Variants in TTLL11 observed in about 807,000 individuals in gnomAD.
TTLL11 encodes tubulin tyrosine ligase like 11.
Under a neutral mutation model 51.7 loss-of-function variants are expected in TTLL11, and 42 were observed. The observed-to-expected ratio is 0.81, with a 90% CI of 0.64 to 1.05. The LOEUF is 1.05. TTLL11 is among the 50% of genes least tolerant of loss of function. The probability of loss-of-function intolerance (pLI) is 0.00; values close to 1 mark genes in which losing one functional copy is unlikely to be tolerated. For missense variants in TTLL11, 799 were observed against 940.4 expected (o/e 0.85, Z 1.97); for synonymous variants, 381 against 383.5 (o/e 0.99, Z 0.08).
intron 3 of TTLL11, among the ~76,000 whole-genome samples, chr9:122,009,677 T>C (rs1411645960): frequency 6.6e-6 from 1 of 150,498 alleles, no homozygotes; most frequent in African/African-American, 2.4e-5. Flanking sequence ...GAATGTTGTA[T>C]ATATATATAT....
At chr9:121,935,598 T>C (rs13295532) in intron 6 of TTLL11, among the ~76,000 whole-genome samples, 39,828 of 152,102 alleles carry the variant, frequency 0.26, 5,773 homozygotes, top group African/African-American at 0.39. Context: ...AAAGATCACT[T>C]TGGCTGCTGT....
chr9:121,885,956 T>A (rs1434412201), intron 6 of TTLL11, among the ~76,000 whole-genome samples: 1 of 152,210 alleles, frequency 6.6e-6, no homozygotes, highest in Non-Finnish European at 1.5e-5. Context: ...CTCTAACTCC[T>A]GGGCTCAAGG....
chr9:122,020,827 C>T (rs10985485), intron 3 of TTLL11, among the ~76,000 whole-genome samples: 6,712 of 152,300 alleles, frequency 0.044, 175 homozygotes, highest in African/African-American at 0.074. Context: ...GGAAGAGGGC[C>T]CTCACCAGAA....
chr9:121,869,181 C>G (rs1296415620), intron 7 of TTLL11, among the ~76,000 whole-genome samples: 1 of 152,302 alleles, frequency 6.6e-6, no homozygotes, highest in South Asian at 2.1e-4. Flanking sequence ...AGTCACCATG[C>G]AAAATTACTA....
At chr9:122,040,755 T>A (rs1844826131) in intron 1 of TTLL11, among the ~76,000 whole-genome samples, 1 of 152,190 alleles carries the variant, frequency 6.6e-6, no homozygotes, top group Non-Finnish European at 1.5e-5. Flanking sequence ...TCAGTCACAT[T>A]ATTTCAAAGC....
chr9:121,846,085 T>C (rs1399688693), intron 8 of TTLL11, among the ~76,000 whole-genome samples: 5 of 151,068 alleles, frequency 3.3e-5, no homozygotes, highest in African/African-American at 7.3e-5. Flanking sequence ...AAGCAAAGGG[T>C]TGGAGGAAGA....
At chr9:121,840,343 G>A (rs917791589) in intron 8 of TTLL11, among the ~76,000 whole-genome samples, 13 of 152,182 alleles carry the variant, frequency 8.5e-5, no homozygotes, top group Non-Finnish European at 1.8e-4. Context: ...GCTGGCTACC[G>A]ATGGATGCAC....
chr9:121,901,057 G>A (rs1220217674), intron 6 of TTLL11, among the ~76,000 whole-genome samples: 1 of 152,112 alleles, frequency 6.6e-6, no homozygotes, highest in Admixed American at 6.5e-5. Flanking sequence ...TTACAGGAGT[G>A]AGCCACCACA....
At chr9:121,919,985 T>C (rs1258364109) in intron 6 of TTLL11, among the ~76,000 whole-genome samples, 2 of 152,084 alleles carry the variant, frequency 1.3e-5, no homozygotes, top group Non-Finnish European at 2.9e-5. Flanking sequence ...GCATGCATTA[T>C]AGTAAATTTA....
intron 8 of TTLL11, among the ~76,000 whole-genome samples, chr9:121,834,590 A>C (rs1001057711): frequency 1.3e-5 from 2 of 150,698 alleles, no homozygotes; most frequent in Non-Finnish European, 3.0e-5. Flanking sequence ...GCACTTTGGG[A>C]GGCCAAAGCA....
In TTLL11 at chr9:122,093,192, G is replaced by A. The variant is rs769763414; in HGVS notation, c.-44C>T. The A allele has an allele frequency of 2.7e-6, 4 of 1,488,520 alleles. No homozygotes were observed. The highest frequency in any genetic ancestry group is 2.3e-5 in the Admixed American group (1 of 43,874). 92.2% of individuals were successfully genotyped at this position (1,488,520 alleles called of 1,614,324 possible). A position where few individuals can be genotyped will look rare whatever the true frequency, so the allele number is the denominator to read the frequency against. ...CAGTGCCAGTGCCACCGCCGCCGCCGCCGCCGCTCCGCCGCCCCAGTCCGC... is the reference window on the plus strand; with the variant it reads ...CAGTGCCAGTGCCACCGCCGCCGCCACCGCCGCTCCGCCGCCCCAGTCCGC... On this transcript the variant is annotated 5_prime_UTR_variant, in exon 1 of 9. Transcript: ENST00000321582.
At chr9:121,966,703 C>T (rs978109823) in intron 6 of TTLL11, among the ~76,000 whole-genome samples, 4 of 152,186 alleles carry the variant, frequency 2.6e-5, no homozygotes, top group Admixed American at 2.6e-4. Flanking sequence ...ACCAACACAG[C>T]CTCATGGCCA....
rs150543628 is a variant in TTLL11, at chr9:122,008,817, T to G, written c.694-19047A>C. 3.0e-3 allele frequency among the ~76,000 whole-genome samples: 457 copies of G among 152,306 alleles called. 3 individuals carry two copies. The highest frequency in any genetic ancestry group is 0.02 in the Middle Eastern group (6 of 294). On this transcript the variant is annotated intron_variant, in intron 3 of 8. Coordinates refer to ENST00000321582, the MANE Select transcript of TTLL11 (RefSeq NM_001139442.2). ...CCTGTGTCCGTCGCGGGTGAATGAATGAAGAAAATGTGGCATGTCTACACA... is the reference window on the plus strand; with the variant it reads ...CCTGTGTCCGTCGCGGGTGAATGAAGGAAGAAAATGTGGCATGTCTACACA...
intron 1 of TTLL11, among the ~76,000 whole-genome samples, chr9:122,078,868 T>G (rs552044290): frequency 6.6e-6 from 1 of 151,942 alleles, no homozygotes; most frequent in African/African-American, 2.4e-5. Context: ...TCATAAGGAG[T>G]CTGAACTTTG....
chr9:121,963,739 T>C (rs985148610), intron 6 of TTLL11: 2 of 152,262 alleles, frequency 1.3e-5, no homozygotes, highest in African/African-American at 4.8e-5. Flanking sequence ...ATAAGGCTTT[T>C]GCTGATTACT....
chr9:121,988,232 A>T (rs1462586137), intron 4 of TTLL11, among the ~76,000 whole-genome samples: 2 of 152,056 alleles, frequency 1.3e-5, no homozygotes, highest in Admixed American at 6.5e-5. Flanking sequence ...TGTGAAAGCA[A>T]CTGTCTCCTA....
intron 6 of TTLL11, among the ~76,000 whole-genome samples, chr9:121,947,163 C>T (rs1841699683): frequency 6.6e-6 from 1 of 152,128 alleles, no homozygotes; most frequent in African/African-American, 2.4e-5. Flanking sequence ...CTCAAGCTGT[C>T]CATAAATATT....
At chr9:122,073,570 A>T (rs1429444718) in intron 1 of TTLL11, among the ~76,000 whole-genome samples, 4 of 152,210 alleles carry the variant, frequency 2.6e-5, no homozygotes, top group Non-Finnish European at 1.5e-5. Flanking sequence ...AAGGCTTCTT[A>T]AAGAAAGTGA....
At position 122,012,678 on chromosome 9, in the gene TTLL11, G is replaced by GCGCA. The variant is rs577271170; in HGVS notation, c.693+19044_693+19045insTGCG. Among the ~76,000 whole-genome samples the GCGCA allele has an allele frequency of 3.6e-3, 511 of 142,626 alleles. 3 individuals are homozygous for GCGCA. Among genetic ancestry groups the GCGCA allele is most frequent in the African/African-American group, 0.013 (496 of 38,886 alleles). 93.6% of individuals were successfully genotyped at this position (142,626 alleles called of 152,430 possible). A position where few individuals can be genotyped will look rare whatever the true frequency, so the allele number is the denominator to read the frequency against. ...AAAATACACATACACACACACACAC[G>GCGCA]CACACACACACACACACACACACAC... On this transcript the variant is annotated intron_variant, in intron 3 of 8. Coordinates refer to ENST00000321582, the MANE Select transcript of TTLL11 (RefSeq NM_001139442.2).
Sources: allele counts gnomAD v4.1 joint callset (sites outside exome capture counted in the v4.1 genomes callset), GRCh38; gene constraint gnomAD v4.1.1; transcripts MANE v1.5; gene names NCBI Gene and HGNC (gene_info 2026-07-23, HGNC 2026-07-21).